ULK4: variants seen among roughly 807,000 people sequenced by gnomAD.
The protein encoded by ULK4 is unc-51 like kinase 4, also known as inactive serine/threonine-protein kinase ULK4.
Under a neutral mutation model 160.6 loss-of-function variants are expected in ULK4, and 133 were observed. The ratio of observed to expected loss-of-function variants is 0.83; its 90% CI spans 0.72 to 0.96. ULK4 has a LOEUF of 0.96. Ranked by LOEUF, ULK4 falls within the 40% of genes least tolerant of loss-of-function variation. The pLI, the probability that ULK4 is intolerant of heterozygous loss-of-function variation, is 0.00. For missense variants in ULK4, 1,580 were observed against 1,499.5 expected (o/e 1.05, Z -0.89); for synonymous variants, 534 against 539.8 (o/e 0.99, Z 0.15).
intron 34 of ULK4, among the ~76,000 whole-genome samples, chr3:41,433,070 G>A (rs1431496079): frequency 1.3e-5 from 2 of 152,030 alleles, no homozygotes; most frequent in Non-Finnish European, 2.9e-5. Context: ...AATGCAAGGA[G>A]AAACTAAAAA....
intron 30 of ULK4, among the ~76,000 whole-genome samples, chr3:41,618,479 T>C (rs1427298234): frequency 6.6e-6 from 1 of 152,152 alleles, no homozygotes; most frequent in Non-Finnish European, 1.5e-5. Context: ...TCAACATTCT[T>C]AAAGAAAAGA....
intron 21 of ULK4, among the ~76,000 whole-genome samples, chr3:41,772,291 T>G (rs1056981164): frequency 7.9e-5 from 12 of 152,004 alleles, no homozygotes; most frequent in African/African-American, 2.9e-4. Flanking sequence ...GCTGGTTTTT[T>G]GAAAAGATCA....
chr3:41,267,545 G>A (rs942104736), intron 35 of ULK4, among the ~76,000 whole-genome samples: 5 of 151,950 alleles, frequency 3.3e-5, no homozygotes, highest in African/African-American at 1.2e-4. Context: ...GGTATTGCTG[G>A]GTCAAATGGT....
intron 33 of ULK4, among the ~76,000 whole-genome samples, chr3:41,462,472 A>G (rs1371107341): frequency 6.6e-6 from 1 of 152,210 alleles, no homozygotes; most frequent in Admixed American, 6.5e-5. Flanking sequence ...AAAGTACTCT[A>G]TAAAACCACA....
At chr3:41,937,201 T>C (rs186763895) in intron 3 of ULK4, 49 of 491,424 alleles carry the variant, frequency 1.0e-4, no homozygotes, top group African/African-American at 9.5e-4. Flanking sequence ...GTTACAAACG[T>C]AGGCATGTTT....
rs768622548 is a variant in ULK4 at position 41,900,780 on chromosome 3, T to C, written c.1232A>G (p.Glu411Gly). 7 of 1,613,606 alleles carry C rather than the reference T, an allele frequency of 4.3e-6. No individual in the cohort carries two copies. The highest frequency in any genetic ancestry group is 5.1e-6 in the Non-Finnish European group (6 of 1,179,690). ...SQQDLESQMR[E>G]LIYTDSDLVV... ...AAGATCTGAGTCCGTGTAGATAAGC[T>C]CTCTCATCTGGGATTCCAGGTCCTG... Residue 411 changes from glutamate to glycine, a missense_variant, in exon 13 of 37, where the codon GAG (glutamate) becomes GGG (glycine). Glu to Gly is a moderately conservative substitution (Grantham distance 98). Transcript: ENST00000301831.
intron 34 of ULK4, among the ~76,000 whole-genome samples, chr3:41,448,426 A>G (rs2083353158): frequency 6.6e-6 from 1 of 152,214 alleles, no homozygotes; most frequent in South Asian, 2.1e-4. Flanking sequence ...AGAACATAGA[A>G]TATGACTAGA....
chr3:41,532,795 C>T (rs551809958), intron 32 of ULK4, among the ~76,000 whole-genome samples: 5 of 152,156 alleles, frequency 3.3e-5, no homozygotes, highest in Admixed American at 2.6e-4. Context: ...TTTGCCAATC[C>T]CTGAACTAGA....
intron 34 of ULK4, among the ~76,000 whole-genome samples, chr3:41,423,275 A>G (rs1362799891): frequency 6.6e-6 from 1 of 152,156 alleles, no homozygotes; most frequent in Non-Finnish European, 1.5e-5. Context: ...AATCACTTCT[A>G]TATTGCTTGA....
intron 12 of ULK4, among the ~76,000 whole-genome samples, chr3:41,901,132 T>C (rs1270155580): frequency 6.6e-6 from 1 of 151,310 alleles, no homozygotes; most frequent in South Asian, 2.1e-4. Flanking sequence ...TGTTCTAAAC[T>C]GTGATGAGGC....
At chr3:41,814,414 TTG>T in intron 19 of ULK4, among the ~76,000 whole-genome samples, 1 of 152,256 alleles carries the variant, frequency 6.6e-6, no homozygotes, top group Admixed American at 6.5e-5. Context: ...TCTTTGGAAT[TTG>T]TTGAGATTTT....
intron 17 of ULK4, among the ~76,000 whole-genome samples, chr3:41,848,213 T>A (rs77212651): frequency 2.4e-3 from 366 of 152,318 alleles, no homozygotes; most frequent in African/African-American, 7.8e-3. Flanking sequence ...GTAGATTCCT[T>A]CTCTTAAAGA....
chr3:41,856,575 G>GTGTA (rs1559611179), intron 17 of ULK4, among the ~76,000 whole-genome samples: 4 of 26,394 alleles, frequency 1.5e-4, no homozygotes. Context: ...ATATATATAT[G>GTGTA]TGTATATATA....
At chr3:41,803,899 G>C (rs1267103657) in intron 19 of ULK4, among the ~76,000 whole-genome samples, 3 of 152,172 alleles carry the variant, frequency 2.0e-5, no homozygotes, top group Non-Finnish European at 4.4e-5. Flanking sequence ...TGGACATTTG[G>C]ATTGGTTCCA....
intron 21 of ULK4, among the ~76,000 whole-genome samples, chr3:41,774,652 G>A (rs2039534432): frequency 6.7e-6 from 1 of 149,866 alleles, no homozygotes; most frequent in Non-Finnish European, 1.5e-5. Flanking sequence ...AACCATTGTG[G>A]AAGTCAGTGT....
chr3:41,531,114 CAG>C (rs1343907305), intron 32 of ULK4, among the ~76,000 whole-genome samples: 6 of 149,842 alleles, frequency 4.0e-5, no homozygotes, highest in East Asian at 2.0e-4. Context: ...GATACTGTAA[CAG>C]GGGATAGTTA....
At chr3:41,827,782 C>T (rs77045103) in intron 18 of ULK4, among the ~76,000 whole-genome samples, 38,386 of 151,542 alleles carry the variant, frequency 0.25, 6,030 homozygotes, top group African/African-American at 0.45. Flanking sequence ...AGAGGGAATC[C>T]TCCCTAACTC....
At chr3:41,400,706 G>A (rs2082160643) in intron 34 of ULK4, among the ~76,000 whole-genome samples, 1 of 152,152 alleles carries the variant, frequency 6.6e-6, no homozygotes, top group African/African-American at 2.4e-5. Flanking sequence ...CAATGGCTGG[G>A]TTGTATGGGA....
At chr3:41,855,012 T>C (rs1342534652) in intron 17 of ULK4, 2 of 147,542 alleles carry the variant, frequency 1.4e-5, no homozygotes, top group Non-Finnish European at 3.0e-5. Flanking sequence ...GCATACGTCA[T>C]CTCAGAGATA....
Sources: allele counts gnomAD v4.1 joint callset (sites outside exome capture counted in the v4.1 genomes callset), GRCh38; gene constraint gnomAD v4.1.1; transcripts MANE v1.5; gene names NCBI Gene and HGNC (gene_info 2026-07-23, HGNC 2026-07-21).